LSP1: variants seen among roughly 807,000 people sequenced by gnomAD.
LSP1 encodes the protein lymphocyte specific protein 1, also known as lymphocyte-specific protein 1.
In LSP1, 32 loss-of-function variants were observed where a neutral mutation model predicts 49.3. The ratio of observed to expected loss-of-function variants is 0.65; its 90% confidence interval spans 0.49 to 0.87. The LOEUF is 0.87. Among genes scored for constraint, LSP1 ranks in the 40% least tolerant of loss-of-function variants. The probability of loss-of-function intolerance (pLI) is 0.00; values close to 1 mark genes in which losing one functional copy is unlikely to be tolerated. For synonymous variants in LSP1, 179 were observed against 178.8 expected (o/e 1.00, Z -0.01); for missense variants, 428 against 442.6 (o/e 0.97, Z 0.30).
At chr11:1,856,121 C>T (rs1847483632) in intron 1 of LSP1, among the ~76,000 whole-genome samples, 1 of 152,200 alleles carries the variant, frequency 6.6e-6, no homozygotes, top group African/African-American at 2.4e-5. Flanking sequence ...GAAGGCAAGT[C>T]TGCCTGCCGC....
intron 1 of LSP1, chr11:1,871,392 C>T (rs1848000941): frequency 1.0e-6 from 1 of 986,350 alleles, no homozygotes; most frequent in East Asian, 1.1e-4. Context: ...ACAGGGCTGA[C>T]CACAGAGCAC....
Position 1,884,197 on chromosome 11 carries a change from T to G in LSP1, c.592-83T>G. The G allele has an allele frequency of 1.3e-6, 2 of 1,530,738 alleles. No individual in the cohort carries two copies. Among genetic ancestry groups the G allele is most frequent in the Non-Finnish European group, 1.8e-6 (2 of 1,104,350 alleles). 94.8% of individuals were successfully genotyped at this position (1,530,738 alleles called of 1,614,324 possible). On this transcript the variant is annotated intron_variant, in intron 5 of 10. Coordinates refer to ENST00000311604, the MANE Select transcript of LSP1 (RefSeq NM_002339.3). The surrounding 1 kb of genome is among the most constrained non-coding windows in gnomAD (Gnocchi z 4.1). ...CATGATATAAGGGTTGGGGGTTGGA[T>G]TAGTGGTTGGAGTAGCTGGGGAGAT...
At chr11:1,883,819 C>A in intron 4 of LSP1, 113 bp from the exon 5 acceptor site, 1 of 1,074,384 alleles carries the variant, frequency 9.3e-7, no homozygotes. Flanking sequence ...CACGTCAGGG[C>A]CACAGAGAAC....
At chr11:1,879,595 T>C (rs1848452157) in intron 1 of LSP1, among the ~76,000 whole-genome samples, 1 of 152,180 alleles carries the variant, frequency 6.6e-6, no homozygotes, top group Admixed American at 6.5e-5. Flanking sequence ...CGCCCTGCCT[T>C]TGGGGTGCAG....
At chr11:1,854,822 T>C (rs982634539) in intron 1 of LSP1, among the ~76,000 whole-genome samples, 4 of 152,148 alleles carry the variant, frequency 2.6e-5, no homozygotes, top group African/African-American at 7.2e-5. Flanking sequence ...CTCATGCCCA[T>C]AGAAGGGCAG....
chr11:1,880,290 A>G (rs1228947996), intron 2 of LSP1, 66 bp downstream of exon 2: 8 of 1,461,272 alleles, frequency 5.5e-6, no homozygotes, highest in African/African-American at 1.4e-5. Context: ...GCCTGGGCAG[A>G]GGGGGAGGTC....
chr11:1,867,119 A>G (rs1847819927), intron 1 of LSP1, among the ~76,000 whole-genome samples: 1 of 151,580 alleles, frequency 6.6e-6, no homozygotes, highest in Non-Finnish European at 1.5e-5. Context: ...TGAGGAGGGG[A>G]CCTCACTTGC....
chr11:1,889,484 C>T (rs1424372428), intron 10 of LSP1: 1 of 620,032 alleles, frequency 1.6e-6, no homozygotes, highest in Non-Finnish European at 3.0e-6. Context: ...GGGTGGGCAC[C>T]TCTGGCTCCA....
chr11:1,890,777 G>C lies in LSP1; in HGVS notation c.*14-996G>C, dbSNP rs962886095. Reference sequence around the variant, plus strand: ...GACTGTGCCTTGGGGACTTTGGGGTGGCCCCACCATCACCCTAGTGTAGAA... The same window carrying C: ...GACTGTGCCTTGGGGACTTTGGGGTCGCCCCACCATCACCCTAGTGTAGAA... On this transcript the variant is annotated intron_variant, in intron 10 of 10. Coordinates refer to ENST00000311604, the MANE Select transcript of LSP1 (RefSeq NM_002339.3). 5.0e-6 allele frequency: 3 copies of C among 596,812 alleles called. No homozygotes were observed. The African/African-American group carries it at 5.6e-5, about 11-fold the overall frequency. The allele number at this position is 596,812 out of a possible 1,614,324, so 37.0% of individuals were successfully genotyped here. A position where few individuals can be genotyped will look rare whatever the true frequency, so the allele number is the denominator to read the frequency against.
chr11:1,879,095 A>AC (rs1244961412), intron 1 of LSP1, among the ~76,000 whole-genome samples: 1 of 152,068 alleles, frequency 6.6e-6, no homozygotes, highest in Non-Finnish European at 1.5e-5. Context: ...CTGTAATCCC[A>AC]CCACCTTGGG....
At chr11:1,888,450 G>A (rs890514228) in intron 10 of LSP1, 5 of 152,284 alleles carry the variant, frequency 3.3e-5, no homozygotes, top group African/African-American at 4.8e-5. Context: ...CGAATCCCTC[G>A]AGTTCTGCCC....
chr11:1,878,062 C>T (rs943295962), intron 1 of LSP1, among the ~76,000 whole-genome samples: 7 of 151,986 alleles, frequency 4.6e-5, no homozygotes, highest in African/African-American at 1.7e-4. Context: ...CCATCGGAAG[C>T]CCAGGTCCAA....
At chr11:1,881,115 A>G (rs1382638720) in intron 2 of LSP1, 10 of 281,418 alleles carry the variant, frequency 3.6e-5, no homozygotes, top group African/African-American at 9.1e-5. Flanking sequence ...GGGAGCCCCA[A>G]ACTGATGAGG....
At chr11:1,873,689 G>T (rs1848142443) in intron 1 of LSP1, among the ~76,000 whole-genome samples, 1 of 151,788 alleles carries the variant, frequency 6.6e-6, no homozygotes, top group African/African-American at 2.4e-5. Context: ...GGCTATGGAA[G>T]AATCATGCCC....
chr11:1,890,251 G>C (rs1049837096), intron 10 of LSP1: 2 of 715,734 alleles, frequency 2.8e-6, no homozygotes, highest in Non-Finnish European at 5.2e-6. Context: ...GGGGAGCGGG[G>C]TAGGGCAGCC....
In LSP1 at chr11:1,881,386, G is replaced by A. The variant is rs750773276; in HGVS notation, c.192-46G>A. ...GAGGTGAGTGTGGGCCCTGGGCAGA[G>A]GAGGCAGCAGCCGCCCAGGCCTAAG... On this transcript the variant is annotated intron_variant, in intron 2 of 10. Coordinates refer to ENST00000311604, the MANE Select transcript of LSP1 (RefSeq NM_002339.3). 3.3e-6 allele frequency: 5 copies of A among 1,515,824 alleles called. No individual in the cohort carries two copies. The African/African-American group carries it at 7.0e-5, about 21-fold the overall frequency. The allele number at this position is 1,515,824 out of a possible 1,614,324, so 93.9% of individuals were successfully genotyped here.
At chr11:1,889,226 AG>A (rs1276177283) in intron 10 of LSP1, 1 of 675,338 alleles carries the variant, frequency 1.5e-6, no homozygotes. Context: ...GGACTGTGGG[AG>A]GGGGCCGGGT....
At chr11:1,866,404 G>A in intron 1 of LSP1, 1 of 1,362,434 alleles carries the variant, frequency 7.3e-7, no homozygotes, top group Non-Finnish European at 9.8e-7. Context: ...TGGGGTCTGA[G>A]GAGTTGAGGG....
At chr11:1,858,710 C>A (rs1026570678) in intron 1 of LSP1, among the ~76,000 whole-genome samples, 1 of 152,226 alleles carries the variant, frequency 6.6e-6, no homozygotes, top group Non-Finnish European at 1.5e-5. Context: ...AGACTCTCTA[C>A]AGCCGGCCCA....
Sources: gnomAD v4.1 joint callset for allele counts (sites outside exome capture counted in the v4.1 genomes callset) on GRCh38, gnomAD v4.1.1 for gene constraint, Gnocchi (gnomAD v3.1) non-coding constraint, MANE v1.5 for transcripts, NCBI Gene and HGNC (gene_info 2026-07-23, HGNC 2026-07-21) for gene names.